TOMM34: variants seen among roughly 807,000 people sequenced by gnomAD.
The protein encoded by TOMM34 is mitochondrial import receptor subunit TOM34.
In TOMM34, 24 loss-of-function variants were observed where a neutral mutation model predicts 37.4. The observed-to-expected ratio is 0.64, with a 90% confidence interval of 0.46 to 0.90. TOMM34 has a LOEUF of 0.90. Ranked by LOEUF, TOMM34 falls within the 40% of genes least tolerant of loss-of-function variation. TOMM34 has a pLI of 0.00. For missense variants in TOMM34, 304 were observed against 375.6 expected, an observed-to-expected ratio of 0.81 and a Z score of 1.58; for synonymous variants, 154 against 148.9, an observed-to-expected ratio of 1.03 and a Z score of -0.25.
At chr20:44,953,456 T>C (rs2067043965) in intron 3 of TOMM34, among the ~76,000 whole-genome samples, 1 of 152,206 alleles carries the variant, frequency 6.6e-6, no homozygotes, top group African/African-American at 2.4e-5. Context: ...CCTCTGTAAG[T>C]CCCTCAAATG....
chr20:44,956,792 G>A (rs1233060322), intron 1 of TOMM34, among the ~76,000 whole-genome samples: 1 of 149,900 alleles, frequency 6.7e-6, no homozygotes, highest in Non-Finnish European at 1.5e-5. Flanking sequence ...AATCCATGCT[G>A]TAACTACTTG....
intron 5 of TOMM34, among the ~76,000 whole-genome samples, chr20:44,948,485 C>T (rs941126688): frequency 6.6e-6 from 1 of 152,194 alleles, no homozygotes; most frequent in Non-Finnish European, 1.5e-5. Flanking sequence ...AGTTACATTG[C>T]ATGCTTATGA....
In TOMM34 at chr20:44,943,443, T is replaced by G. The variant is rs1373882042; in HGVS notation, c.825+10A>C. ...TATGTTGGGACCTTTTGGCCAGGAT[T>G]TTTTTTTACCTTGAGTGCTTTGTGG... On this transcript the variant is annotated intron_variant, in intron 6 of 6. Coordinates refer to ENST00000372813, the MANE Select transcript of TOMM34 (RefSeq NM_006809.5). The G allele has an allele frequency of 6.2e-7, 1 of 1,613,894 alleles. No individual in the cohort carries two copies. Among genetic ancestry groups the G allele is most frequent in the Non-Finnish European group, 8.5e-7 (1 of 1,179,986 alleles).
intron 4 of TOMM34, among the ~76,000 whole-genome samples, chr20:44,949,081 T>C (rs2067004949): frequency 6.6e-6 from 1 of 152,172 alleles, no homozygotes; most frequent in South Asian, 2.1e-4. Flanking sequence ...CATCAAGAAG[T>C]TGGGGAATCC....
chr20:44,960,370 T>TCCTC lies in TOMM34; in HGVS notation c.-41_-38dup. 6.6e-7 allele frequency: 1 copy of TCCTC among 1,522,988 alleles called. No homozygotes were observed. The highest frequency in any genetic ancestry group is 8.8e-7 in the Non-Finnish European group (1 of 1,131,352). The allele number at this position is 1,522,988 out of a possible 1,614,324, so 94.3% of individuals were successfully genotyped here. A position where few individuals can be genotyped will look rare whatever the true frequency, so the allele number is the denominator to read the frequency against. On this transcript the variant is annotated 5_prime_UTR_variant, in exon 1 of 7. Coordinates refer to ENST00000372813, the MANE Select transcript of TOMM34 (RefSeq NM_006809.5). The stretch of plus-strand genomic sequence containing the variant: ...GCCGGCGAGTTGGGAGCTCCTTCCT[T>TCCTC]CCTCCCCCGTGTGGTGCGGCACACC...
At chr20:44,958,483 G>A (rs1040455491) in intron 1 of TOMM34, 48 of 445,548 alleles carry the variant, frequency 1.1e-4, no homozygotes, top group Non-Finnish European at 2.0e-4. Context: ...TCAACCCTGC[G>A]ATCCGGACAA....
At chr20:44,951,126 G>A (rs1223035611) in intron 4 of TOMM34, among the ~76,000 whole-genome samples, 2 of 152,166 alleles carry the variant, frequency 1.3e-5, no homozygotes, top group African/African-American at 4.8e-5. Context: ...TCAGGGAATG[G>A]CCTGTGACCA....
chr20:44,944,469 T>G (rs956846793), intron 5 of TOMM34, among the ~76,000 whole-genome samples: 1 of 152,222 alleles, frequency 6.6e-6, no homozygotes, highest in Non-Finnish European at 1.5e-5. Context: ...TCAAGAGGTA[T>G]TTTTCATTGT....
chr20:44,956,701 T>C (rs1402475398), intron 1 of TOMM34, among the ~76,000 whole-genome samples: 1 of 152,146 alleles, frequency 6.6e-6, no homozygotes, highest in Admixed American at 6.5e-5. Context: ...GAACCAAGTA[T>C]TTCCTCATTC....
chr20:44,945,380 G>A (rs1050761043), intron 5 of TOMM34, among the ~76,000 whole-genome samples: 3 of 152,038 alleles, frequency 2.0e-5, no homozygotes, highest in Non-Finnish European at 4.4e-5. Context: ...CTTTGAATTC[G>A]GGCAGGCTCT....
chr20:44,956,584 A>G, intron 1 of TOMM34, 99 bp from the exon 2 acceptor site: 1 of 1,126,558 alleles, frequency 8.9e-7, no homozygotes, highest in Non-Finnish European at 1.3e-6. Context: ...CCTTGTGTTA[A>G]GGCAGTAGAG....
intron 1 of TOMM34, among the ~76,000 whole-genome samples, chr20:44,957,593 G>A (rs546058790): frequency 6.6e-6 from 1 of 152,112 alleles, no homozygotes; most frequent in South Asian, 2.1e-4. Flanking sequence ...ACATACAGAA[G>A]ACCATTATCT....
Position 44,956,135 on chromosome 20 carries a change from G to A in TOMM34, c.227+251C>T, listed in dbSNP as rs41314910. 8.7e-3 allele frequency among the ~76,000 whole-genome samples: 1,317 copies of A among 152,202 alleles called. 8 individuals are homozygous for A. The highest frequency in any genetic ancestry group is 0.02 in the Middle Eastern group (6 of 294). On this transcript the variant is annotated intron_variant, in intron 2 of 6. Transcript: ENST00000372813. ...GTTTCAAATTGCACAAAGACTTTACGGCCTGCTTCTAACTGCCCATCCCAC... is the reference window on the plus strand; with the variant it reads ...GTTTCAAATTGCACAAAGACTTTACAGCCTGCTTCTAACTGCCCATCCCAC...
intron 5 of TOMM34, among the ~76,000 whole-genome samples, chr20:44,944,304 T>C (rs1164045405): frequency 6.6e-6 from 1 of 152,250 alleles, no homozygotes; most frequent in Non-Finnish European, 1.5e-5. Flanking sequence ...CTCATTCAGA[T>C]CTAGTCCTTC....
At chr20:44,960,106 G>A in intron 1 of TOMM34, 101 bp downstream of exon 1, 1 of 1,442,966 alleles carries the variant, frequency 6.9e-7, no homozygotes, top group Non-Finnish European at 9.1e-7. Context: ...TGGAAGGGTG[G>A]GAGGGCCGGG....
Position 44,960,369 on chromosome 20 carries a change from T to G in TOMM34, c.-36A>C, listed in dbSNP as rs2067116060. On this transcript the variant is annotated 5_prime_UTR_variant, in exon 1 of 7. Transcript: ENST00000372813. Reference sequence around the variant, plus strand: ...GGCCGGCGAGTTGGGAGCTCCTTCCTTCCTCCCCCGTGTGGTGCGGCACAC... The same window carrying G: ...GGCCGGCGAGTTGGGAGCTCCTTCCGTCCTCCCCCGTGTGGTGCGGCACAC... The G allele has an allele frequency of 6.6e-7, 1 of 1,525,904 alleles. No homozygotes were observed. The highest frequency in any genetic ancestry group is 1.2e-5 in the South Asian group (1 of 80,478). 94.5% of individuals were successfully genotyped at this position (1,525,904 alleles called of 1,614,324 possible).
intron 2 of TOMM34, 193 bp from the exon 3 acceptor site, chr20:44,955,413 G>C (rs1440513414): frequency 2.7e-5 from 19 of 702,454 alleles, no homozygotes; most frequent in Non-Finnish European, 2.0e-5. Context: ...GGAGAAAGAA[G>C]GCAGAGAAAC....
At chr20:44,949,924 T>C (rs1195620217) in intron 4 of TOMM34, among the ~76,000 whole-genome samples, 1 of 152,206 alleles carries the variant, frequency 6.6e-6, no homozygotes, top group Non-Finnish European at 1.5e-5. Context: ...TTGGTTTTTC[T>C]TTTTCCCCTT....
chr20:44,943,265 G>A (rs1323330792), intron 6 of TOMM34, 52 bp from the exon 7 acceptor site: 3 of 1,606,612 alleles, frequency 1.9e-6, no homozygotes, highest in Non-Finnish European at 2.6e-6. Context: ...ACTGGGGTGG[G>A]GATAGCTGCT....
Sources: gnomAD v4.1 joint callset for allele counts (sites outside exome capture counted in the v4.1 genomes callset) on GRCh38, gnomAD v4.1.1 for gene constraint, MANE v1.5 for transcripts, NCBI Gene and HGNC (gene_info 2026-07-23, HGNC 2026-07-21) for gene names.